Variants in AK8 observed in about 807,000 individuals in gnomAD.
The protein encoded by AK8 is ATP-AMP transphosphorylase 8.
In AK8, 44 loss-of-function variants were observed where a neutral mutation model predicts 54.6. The observed-to-expected ratio is 0.81, with a 90% CI of 0.63 to 1.04. The LOEUF (loss-of-function observed/expected upper bound fraction) is 1.04. Ranked by LOEUF, AK8 falls within the 50% of genes least tolerant of loss-of-function variation. The probability of loss-of-function intolerance (pLI) is 0.00; values close to 1 mark genes in which losing one functional copy is unlikely to be tolerated. For synonymous variants in AK8, 239 were observed against 245.6 expected (o/e 0.97, Z 0.25); for missense variants, 555 against 613.6 (o/e 0.90, Z 1.01).
At chr9:132,765,503 G>C (rs1838690605) in intron 11 of AK8, among the ~76,000 whole-genome samples, 1 of 151,654 alleles carries the variant, frequency 6.6e-6, no homozygotes, top group Non-Finnish European at 1.5e-5. Context: ...TAACAAGCTG[G>C]GGACAGTGGT....
chr9:132,839,830 G>GA (rs1554801294), intron 5 of AK8, among the ~76,000 whole-genome samples: 1 of 141,434 alleles, frequency 7.1e-6, no homozygotes, highest in Non-Finnish European at 1.5e-5. Context: ...CGGGGGGGGG[G>GA]GCGCAGGGAC....
intron 10 of AK8, among the ~76,000 whole-genome samples, chr9:132,794,466 T>C (rs1358487223): frequency 1.3e-5 from 2 of 152,166 alleles, no homozygotes; most frequent in East Asian, 3.9e-4. Flanking sequence ...GGCCACGGTG[T>C]GATGTTCCCT....
intron 9 of AK8, among the ~76,000 whole-genome samples, chr9:132,820,515 T>A (rs1296292447): frequency 6.6e-6 from 1 of 152,240 alleles, no homozygotes; most frequent in Non-Finnish European, 1.5e-5. Flanking sequence ...AGGTTGCCTC[T>A]GTTTCTCATT....
intron 11 of AK8, among the ~76,000 whole-genome samples, chr9:132,772,412 A>C (rs961588446): frequency 8.5e-5 from 13 of 152,208 alleles, no homozygotes; most frequent in Non-Finnish European, 4.4e-5. Flanking sequence ...GGTGGGCCCC[A>C]ATCCAATCTG....
At chr9:132,736,035 T>C (rs1178556302) in intron 11 of AK8, among the ~76,000 whole-genome samples, 3 of 152,222 alleles carry the variant, frequency 2.0e-5, no homozygotes, top group African/African-American at 7.2e-5. Context: ...TGGTAAGTAC[T>C]TGTGTATCCA....
At chr9:132,822,538 C>T (rs7864498) in intron 9 of AK8, among the ~76,000 whole-genome samples, 35 of 151,942 alleles carry the variant, frequency 2.3e-4, no homozygotes, top group Non-Finnish European at 4.1e-4. Flanking sequence ...GCATGGTGTG[C>T]GTAGGGGCAG....
intron 11 of AK8, among the ~76,000 whole-genome samples, chr9:132,778,171 G>A (rs1167696461): frequency 2.6e-5 from 4 of 152,204 alleles, no homozygotes; most frequent in Admixed American, 6.5e-5. Flanking sequence ...GCACCATGGC[G>A]CACACAGTCA....
chr9:132,783,943 T>G (rs1428677092), intron 11 of AK8, among the ~76,000 whole-genome samples: 1 of 152,114 alleles, frequency 6.6e-6, no homozygotes, highest in Non-Finnish European at 1.5e-5. Context: ...ATCCGAATTA[T>G]GAAAAGCTGA....
At chr9:132,787,961 C>A (rs1839785839) in intron 11 of AK8, among the ~76,000 whole-genome samples, 1 of 151,744 alleles carries the variant, frequency 6.6e-6, no homozygotes, top group Non-Finnish European at 1.5e-5. Context: ...TAAAGAAAAG[C>A]CCCTGATGAT....
chr9:132,764,958 C>A (rs116808822), intron 11 of AK8, among the ~76,000 whole-genome samples: 2,761 of 152,180 alleles, frequency 0.018, 89 homozygotes, highest in African/African-American at 0.063. Context: ...CAAAAATCCT[C>A]GACAAAATAC....
chr9:132,785,180 C>T (rs1451248760), intron 11 of AK8, among the ~76,000 whole-genome samples: 1 of 151,320 alleles, frequency 6.6e-6, no homozygotes, highest in Non-Finnish European at 1.5e-5. Context: ...TCTCGGCTCA[C>T]TGCAACCTCT....
chr9:132,740,202 G>A (rs757843137), intron 11 of AK8, among the ~76,000 whole-genome samples: 7 of 152,208 alleles, frequency 4.6e-5, no homozygotes, highest in Non-Finnish European at 8.8e-5. Flanking sequence ...GTACTGGTCA[G>A]ACAGCCACTT....
At chr9:132,796,486 T>C (rs2131182385) in intron 10 of AK8, among the ~76,000 whole-genome samples, 1 of 152,288 alleles carries the variant, frequency 6.6e-6, no homozygotes, top group East Asian at 1.9e-4. Flanking sequence ...TATACAAAGA[T>C]GTCCATTTCA....
At chr9:132,877,529 G>A (rs1844178335) in intron 1 of AK8, among the ~76,000 whole-genome samples, 1 of 152,202 alleles carries the variant, frequency 6.6e-6, no homozygotes, top group Non-Finnish European at 1.5e-5. Context: ...CCTCCACCAC[G>A]TGCAAAAGGG....
At chr9:132,838,887 G>A (rs562634984) in intron 5 of AK8, among the ~76,000 whole-genome samples, 7 of 152,250 alleles carry the variant, frequency 4.6e-5, no homozygotes, top group African/African-American at 1.7e-4. Context: ...GTGACGTGGT[G>A]TTCGGCACAT....
At chr9:132,747,054 G>A (rs1399452873) in intron 11 of AK8, among the ~76,000 whole-genome samples, 2 of 152,168 alleles carry the variant, frequency 1.3e-5, no homozygotes, top group Non-Finnish European at 2.9e-5. Flanking sequence ...CGGCAACTGA[G>A]GCTCAGGGTA....
rs1355508716 is a variant in AK8 at position 132,781,434 on chromosome 9, T to C, written c.1121+11200A>G. Reference sequence around the variant, plus strand: ...TATTAGCTCTAAGAAGAGATTTATATTTGACAAGGAGACAATAGCTTTGTT... The same window carrying C: ...TATTAGCTCTAAGAAGAGATTTATACTTGACAAGGAGACAATAGCTTTGTT... On this transcript the variant is annotated intron_variant, in intron 11 of 12. Transcript: ENST00000298545. This position sits in a 1 kb window ranked among gnomAD's most constrained non-coding sequence, Gnocchi z 4.6. Among the ~76,000 whole-genome samples the C allele has an allele frequency of 4.6e-5, 7 of 152,224 alleles. No homozygotes were observed. Among genetic ancestry groups the C allele is most frequent in the African/African-American group, 7.2e-5 (3 of 41,460 alleles).
chr9:132,863,674 C>T lies in AK8; in HGVS notation c.324G>A (p.Leu108=). ...CCGGGGCCAGTCCTACCTTCCTTTG[C>T]AGATAAAGCCTTCTGGCTTCGGTGG... The part of the protein sequence containing the change: ...YTATEARRLY[L]QRKTVPSALL... The change falls in exon 4 of 13, where the codon CTG becomes CTA. Residue 108 remains leucine (L), a synonymous_variant. Transcript: ENST00000298545. 1.9e-6 allele frequency: 3 copies of T among 1,612,870 alleles called. No homozygotes were observed. Among genetic ancestry groups the T allele is most frequent in the Non-Finnish European group, 2.5e-6 (3 of 1,179,324 alleles).
rs569274345 is a variant in AK8, at chr9:132,802,732, C to T, written c.980-9957G>A. On this transcript the variant is annotated intron_variant, in intron 10 of 12. Coordinates refer to ENST00000298545, the MANE Select transcript of AK8 (RefSeq NM_152572.3). ...CAGAACTGAGATCCAGATGTAAATC[C>T]CCGGGTGAGCCAGCCCAGCTCTCTT... Among the ~76,000 whole-genome samples, 73 of 152,294 alleles carry T rather than the reference C, an allele frequency of 4.8e-4. 1 individual carries two copies. The highest frequency in any genetic ancestry group is 8.5e-4 in the Non-Finnish European group (58 of 68,012).
Sources: allele counts gnomAD v4.1 joint callset (sites outside exome capture counted in the v4.1 genomes callset), GRCh38; gene constraint gnomAD v4.1.1; non-coding constraint Gnocchi (gnomAD v3.1); transcripts MANE v1.5; gene names NCBI Gene and HGNC (gene_info 2026-07-23, HGNC 2026-07-21).